PCCA: variants seen among roughly 807,000 people sequenced by gnomAD.
PCCA encodes the protein propionyl-CoA carboxylase subunit alpha, also known as propionyl-CoA carboxylase alpha chain, mitochondrial.
A neutral mutation model predicts 101.3 loss-of-function variants in PCCA; 74 were observed. The observed-to-expected ratio is 0.73, with a 90% CI of 0.61 to 0.89. The LOEUF is 0.89. Ranked by LOEUF, PCCA falls within the 40% of genes least tolerant of loss-of-function variation. The pLI is 0.00. For missense variants in PCCA, 891 were observed against 907.0 expected (o/e 0.98, Z 0.23); for synonymous variants, 294 against 313.6 (o/e 0.94, Z 0.66).
rs78735612 is a variant in PCCA at position 100,368,822 on chromosome 13, G to A, written c.1746+248G>A. 0.031 allele frequency among the ~76,000 whole-genome samples: 4,659 copies of A among 152,152 alleles called. 230 individuals carry two copies. Among genetic ancestry groups the A allele is most frequent in the African/African-American group, 0.11 (4,478 of 41,488 alleles). On this transcript the variant is annotated intron_variant, in intron 19 of 23. Transcript: ENST00000376285. Reference sequence around the variant, plus strand: ...ACTTGATTCATTTTTCTTTTATGCTGTGAGAAGTAATACTTTTGCCTTTGT... The same window carrying A: ...ACTTGATTCATTTTTCTTTTATGCTATGAGAAGTAATACTTTTGCCTTTGT...
At chr13:100,409,828 C>G (rs1321800235) in intron 19 of PCCA, among the ~76,000 whole-genome samples, 1 of 152,150 alleles carries the variant, frequency 6.6e-6, no homozygotes. Context: ...AGTGCAATGA[C>G]ATGATCTCAG....
At chr13:100,233,657 G>C (rs2060620038) in intron 7 of PCCA, among the ~76,000 whole-genome samples, 3 of 152,290 alleles carry the variant, frequency 2.0e-5, no homozygotes, top group African/African-American at 7.2e-5. Flanking sequence ...CAGTAATAGA[G>C]ATTTTAATGT....
At chr13:100,365,578 T>G (rs1422221465) in intron 18 of PCCA, among the ~76,000 whole-genome samples, 8 of 152,214 alleles carry the variant, frequency 5.3e-5, no homozygotes, top group Non-Finnish European at 1.0e-4. Flanking sequence ...AAAGATCTCT[T>G]GAGTTTATGC....
intron 22 of PCCA, among the ~76,000 whole-genome samples, chr13:100,526,552 G>T (rs959734210): frequency 6.6e-6 from 1 of 152,228 alleles, no homozygotes; most frequent in Non-Finnish European, 1.5e-5. Context: ...GGGATTTCAG[G>T]AAAGAACATT....
chr13:100,146,818 T>A (rs578113276), intron 4 of PCCA, among the ~76,000 whole-genome samples: 1 of 144,540 alleles, frequency 6.9e-6, no homozygotes, highest in South Asian at 2.1e-4. Flanking sequence ...GGTATTTGTA[T>A]TTAAATTAAA....
intron 16 of PCCA, among the ~76,000 whole-genome samples, chr13:100,315,065 C>G (rs986737961): frequency 1.3e-5 from 2 of 152,066 alleles, no homozygotes; most frequent in Non-Finnish European, 2.9e-5. Context: ...CTGCAACTTA[C>G]CTTCATATGT....
In PCCA at chr13:100,400,620, C is replaced by CTTTTTTTTTTTTTTTTTTTTTTTTTTTTT. The variant is rs1380536807; in HGVS notation, c.1747-25008_1747-25007insTTTTTTTTTTTTTTTTTTTTTTTTTTTTT. 3.2e-5 allele frequency among the ~76,000 whole-genome samples: 2 copies of CTTTTTTTTTTTTTTTTTTTTTTTTTTTTT among 61,950 alleles called. 1 individual carries two copies. Among genetic ancestry groups the CTTTTTTTTTTTTTTTTTTTTTTTTTTTTT allele is most frequent in the Admixed American group, 3.2e-4 (2 of 6,286 alleles). The allele number at this position is 61,950 out of a possible 152,430, so 40.6% of individuals were successfully genotyped here. On this transcript the variant is annotated intron_variant, in intron 19 of 23. Coordinates refer to ENST00000376285, the MANE Select transcript of PCCA (RefSeq NM_000282.4). ...TGTAATATGATGATTGATCTTAGTT[C>CTTTTTTTTTTTTTTTTTTTTTTTTTTTTT]TTTTTAGTTCTTTTTTTTTTTTTTT...
chr13:100,247,707 G>A (rs903956763), intron 8 of PCCA, among the ~76,000 whole-genome samples: 1 of 151,606 alleles, frequency 6.6e-6, no homozygotes, highest in African/African-American at 2.4e-5. Flanking sequence ...GTAGAGATGA[G>A]GTTTCACCAT....
At chr13:100,095,343 A>G (rs1284105589) in intron 1 of PCCA, among the ~76,000 whole-genome samples, 2 of 152,198 alleles carry the variant, frequency 1.3e-5, no homozygotes, top group Admixed American at 6.5e-5. Flanking sequence ...CTATCGTTCA[A>G]TTCACCTACA....
At chr13:100,170,870 C>T (rs1156569158) in intron 6 of PCCA, among the ~76,000 whole-genome samples, 1 of 152,168 alleles carries the variant, frequency 6.6e-6, no homozygotes, top group Non-Finnish European at 1.5e-5. Flanking sequence ...ATTTTGTCAG[C>T]ATAGCGTACA....
intron 1 of PCCA, among the ~76,000 whole-genome samples, chr13:100,096,280 A>G (rs1054761979): frequency 1.3e-5 from 2 of 151,846 alleles, no homozygotes; most frequent in African/African-American, 2.4e-5. Context: ...CATTATTACT[A>G]TGTCTGTTAT....
intron 9 of PCCA, among the ~76,000 whole-genome samples, chr13:100,258,257 T>G (rs143568094): frequency 1.4e-4 from 21 of 152,316 alleles, no homozygotes; most frequent in Non-Finnish European, 2.2e-4. Flanking sequence ...CAGGTTTCCC[T>G]CCAGTGAACA....
chr13:100,274,704 G>A (rs1442902840), intron 12 of PCCA, among the ~76,000 whole-genome samples: 1 of 152,046 alleles, frequency 6.6e-6, no homozygotes, highest in African/African-American at 2.4e-5. Context: ...CAGGGTTCCC[G>A]TTTTCTGTAG....
chr13:100,270,514 ATG>A (rs1248297605), intron 11 of PCCA, among the ~76,000 whole-genome samples: 1 of 152,194 alleles, frequency 6.6e-6, no homozygotes, highest in Non-Finnish European at 1.5e-5. Context: ...GAATCATAAA[ATG>A]TGTTTGTTTT....
At chr13:100,151,088 G>C in intron 4 of PCCA, 1 of 1,505,350 alleles carries the variant, frequency 6.6e-7, no homozygotes, top group Non-Finnish European at 9.2e-7. Flanking sequence ...GTACTCGTAT[G>C]CACCCATCTT....
At chr13:100,507,162 T>G (rs2086145132) in intron 21 of PCCA, among the ~76,000 whole-genome samples, 1 of 152,200 alleles carries the variant, frequency 6.6e-6, no homozygotes, top group Non-Finnish European at 1.5e-5. Flanking sequence ...TCACAGAGAC[T>G]CCTGATCAAA....
chr13:100,128,792 T>C (rs879517613), intron 4 of PCCA, among the ~76,000 whole-genome samples: 1 of 152,170 alleles, frequency 6.6e-6, no homozygotes, highest in African/African-American at 2.4e-5. Context: ...TCCTCTGGCT[T>C]TGGTGCCATT....
intron 8 of PCCA, among the ~76,000 whole-genome samples, chr13:100,251,059 A>G (rs1168879060): frequency 3.9e-5 from 6 of 152,186 alleles, no homozygotes; most frequent in Admixed American, 2.0e-4. Flanking sequence ...GATGGGGGCA[A>G]CTGTAGTAGT....
intron 21 of PCCA, among the ~76,000 whole-genome samples, chr13:100,472,301 C>T (rs866626287): frequency 1.3e-5 from 2 of 151,924 alleles, no homozygotes; most frequent in Non-Finnish European, 1.5e-5. Flanking sequence ...AGAGGTTCTC[C>T]GGGGACCCTC....
Sources: gnomAD v4.1 joint callset for allele counts (sites outside exome capture counted in the v4.1 genomes callset) on GRCh38, gnomAD v4.1.1 for gene constraint, MANE v1.5 for transcripts, NCBI Gene and HGNC (gene_info 2026-07-23, HGNC 2026-07-21) for gene names.